ZBTB20: variants seen among roughly 807,000 people sequenced by gnomAD.
ZBTB20 encodes zinc finger and BTB domain-containing protein 20.
A neutral mutation model predicts 56.9 loss-of-function variants in ZBTB20; 9 were observed. The observed-to-expected ratio is 0.16, with a 90% CI of 0.10 to 0.28. ZBTB20 has a LOEUF of 0.28. Ranked by LOEUF, ZBTB20 falls within the 10% of genes least tolerant of loss-of-function variation. ZBTB20 has a pLI of 1.00. For missense variants in ZBTB20, 655 were observed against 1,003.0 expected, an observed-to-expected ratio of 0.65 and a Z score of 4.69; for synonymous variants, 417 against 420.7, an observed-to-expected ratio of 0.99 and a Z score of 0.11.
intron 2 of ZBTB20, among the ~76,000 whole-genome samples, chr3:115,038,786 A>G (rs1056565886): frequency 5.3e-5 from 8 of 152,232 alleles, no homozygotes; most frequent in Admixed American, 3.9e-4. Context: ...TCTAAAAACT[A>G]TATACTACTA....
intron 4 of ZBTB20, among the ~76,000 whole-genome samples, chr3:114,816,329 T>C (rs1338055846): frequency 6.6e-6 from 1 of 152,172 alleles, no homozygotes; most frequent in Non-Finnish European, 1.5e-5. Flanking sequence ...AAACAAATGA[T>C]ACCACACAGG....
At chr3:114,412,461 T>C (rs140720650) in intron 7 of ZBTB20, among the ~76,000 whole-genome samples, 140 of 152,262 alleles carry the variant, frequency 9.2e-4, no homozygotes, top group African/African-American at 3.3e-3. Context: ...GGATCTCCCA[T>C]CTCAGTGTGA....
At chr3:114,724,023 C>G (rs1398180098) in intron 5 of ZBTB20, among the ~76,000 whole-genome samples, 1 of 151,732 alleles carries the variant, frequency 6.6e-6, no homozygotes, top group Non-Finnish European at 1.5e-5. Flanking sequence ...CGCCCACCAC[C>G]GAGCCCGGCT....
intron 5 of ZBTB20, among the ~76,000 whole-genome samples, chr3:114,755,763 G>T (rs547676191): frequency 2.0e-5 from 3 of 152,134 alleles, no homozygotes; most frequent in African/African-American, 7.2e-5. Flanking sequence ...TTCTGCTTCC[G>T]ACCTGACCTT....
In ZBTB20 at chr3:114,322,688, C is replaced by T. The variant is rs2078935893; in HGVS notation, c.*16317G>A. 1 of 152,148 alleles carries T rather than the reference C, an allele frequency of 6.6e-6. No homozygotes were observed. The highest frequency in any genetic ancestry group is 1.5e-5 in the Non-Finnish European group (1 of 68,024). 9.4% of individuals were successfully genotyped at this position (152,148 alleles called of 1,614,324 possible). ...TATTTCTAAGTACCTGTTAAAAGCT[C>T]TGGATTTAGTTTCTTACTTAAAACA... On this transcript the variant is annotated 3_prime_UTR_variant, in exon 12 of 12. Transcript: ENST00000675478.
At chr3:114,983,416 C>G (rs1274482967) in intron 2 of ZBTB20, among the ~76,000 whole-genome samples, 1 of 151,820 alleles carries the variant, frequency 6.6e-6, no homozygotes, top group Non-Finnish European at 1.5e-5. Context: ...ATAATTACAC[C>G]GAGGAACCAG....
intron 4 of ZBTB20, among the ~76,000 whole-genome samples, chr3:114,847,637 T>C (rs935697108): frequency 6.6e-6 from 1 of 152,128 alleles, no homozygotes; most frequent in African/African-American, 2.4e-5. Flanking sequence ...GGAATCCTTT[T>C]TTTTCTGAGG....
At chr3:114,940,342 T>G (rs1257948692) in intron 3 of ZBTB20, among the ~76,000 whole-genome samples, 1 of 146,352 alleles carries the variant, frequency 6.8e-6, no homozygotes, top group East Asian at 1.9e-4. Flanking sequence ...TAATTGCAAT[T>G]TGATTAATTC....
At chr3:114,543,296 G>C (rs1433160141) in intron 6 of ZBTB20, among the ~76,000 whole-genome samples, 1 of 151,734 alleles carries the variant, frequency 6.6e-6, no homozygotes, top group Admixed American at 6.6e-5. Flanking sequence ...TTTGATGTGT[G>C]GTTGATTAAA....
At chr3:114,582,613 C>G (rs2054765884) in intron 6 of ZBTB20, among the ~76,000 whole-genome samples, 1 of 152,212 alleles carries the variant, frequency 6.6e-6, no homozygotes, top group South Asian at 2.1e-4. Flanking sequence ...CTCCTAACCT[C>G]AAGTGATCTG....
intron 4 of ZBTB20, among the ~76,000 whole-genome samples, chr3:114,826,117 A>G (rs2073510157): frequency 6.6e-6 from 1 of 151,748 alleles, no homozygotes; most frequent in South Asian, 2.1e-4. Context: ...AATATCAACA[A>G]TAATATGAAT....
Position 115,068,901 on chromosome 3 carries a change from T to A in ZBTB20, c.-507+2318A>T, listed in dbSNP as rs527570541. Among the ~76,000 whole-genome samples the A allele has an allele frequency of 1.7e-3, 257 of 151,694 alleles. 1 individual carries two copies. Among genetic ancestry groups the A allele is most frequent in the Non-Finnish European group, 3.2e-3 (219 of 67,910 alleles). On this transcript the variant is annotated intron_variant, in intron 2 of 11. Transcript: ENST00000675478. ...GTTTGAAAAAAAAAAAAGTTGACAG[T>A]TTGATAGTGCATTCATTCTTATGCC... is the stretch of plus-strand genomic sequence containing the variant.
intron 5 of ZBTB20, among the ~76,000 whole-genome samples, chr3:114,712,691 A>T (rs2064178969): frequency 6.6e-6 from 1 of 152,120 alleles, no homozygotes; most frequent in Non-Finnish European, 1.5e-5. Flanking sequence ...TTGTTCACTA[A>T]AGGGCTCAAT....
intron 4 of ZBTB20, among the ~76,000 whole-genome samples, chr3:114,835,906 A>T (rs2074098714): frequency 6.6e-6 from 1 of 152,178 alleles, no homozygotes; most frequent in Admixed American, 6.5e-5. Context: ...TTCTCTGATC[A>T]CTTTGTCTTA....
At chr3:115,066,300 A>C (rs2082204661) in intron 2 of ZBTB20, among the ~76,000 whole-genome samples, 1 of 151,814 alleles carries the variant, frequency 6.6e-6, no homozygotes, top group East Asian at 1.9e-4. Flanking sequence ...CCACCCAGGT[A>C]CTCGAGAAAA....
intron 5 of ZBTB20, among the ~76,000 whole-genome samples, chr3:114,758,642 T>C (rs2068196376): frequency 6.6e-6 from 1 of 152,156 alleles, no homozygotes; most frequent in African/African-American, 2.4e-5. Flanking sequence ...ATAATTACTA[T>C]TGGGACAAAA....
intron 7 of ZBTB20, among the ~76,000 whole-genome samples, chr3:114,473,294 C>T (rs1050177766): frequency 1.3e-5 from 2 of 152,130 alleles, no homozygotes; most frequent in Admixed American, 6.5e-5. Flanking sequence ...CTTTCAAATA[C>T]TTTAAAAATA....
intron 3 of ZBTB20, among the ~76,000 whole-genome samples, chr3:114,953,558 G>T (rs1399106121): frequency 6.6e-6 from 1 of 151,882 alleles, no homozygotes; most frequent in Non-Finnish European, 1.5e-5. Flanking sequence ...AGCTGGAATG[G>T]CTATATTAAT....
rs542557360 is a variant in ZBTB20 at position 115,112,644 on chromosome 3, C to T, written c.-703+34575G>A. 3.3e-5 allele frequency among the ~76,000 whole-genome samples: 5 copies of T among 152,282 alleles called. No homozygotes were observed. In the South Asian group the frequency reaches 6.2e-4, roughly 19 times the overall value. On this transcript the variant is annotated intron_variant, in intron 1 of 11. Coordinates refer to ENST00000675478, the MANE Select transcript of ZBTB20 (RefSeq NM_001348800.3). ...TGCAAATGACATTCCTTCTGTCTTA[C>T]GGCCAAATAGTATTTCATTGTGTGT...
Sources: gnomAD v4.1 joint callset for allele counts (sites outside exome capture counted in the v4.1 genomes callset) on GRCh38, gnomAD v4.1.1 for gene constraint, MANE v1.5 for transcripts, NCBI Gene and HGNC (gene_info 2026-07-23, HGNC 2026-07-21) for gene names.